Variants in CCDC80 observed in about 807,000 individuals in gnomAD.
The protein encoded by CCDC80 is coiled-coil domain-containing protein 80.
CCDC80 carries 49 observed loss-of-function variants against 78.7 expected under a neutral mutation model. That is an observed-to-expected ratio of 0.62 (90% CI 0.50 to 0.79). The LOEUF (loss-of-function observed/expected upper bound fraction) is 0.79. CCDC80 is among the 30% of genes least tolerant of loss of function. The pLI is 0.00. For missense variants in CCDC80, 1,205 were observed against 1,198.6 expected, an observed-to-expected ratio of 1.01 and a Z score of -0.08; for synonymous variants, 488 against 447.0, an observed-to-expected ratio of 1.09 and a Z score of -1.16.
intron 2 of CCDC80, among the ~76,000 whole-genome samples, chr3:112,633,528 G>A (rs1936141412): frequency 6.6e-6 from 1 of 152,144 alleles, no homozygotes; most frequent in Admixed American, 6.5e-5. Flanking sequence ...CCTGCAGATG[G>A]TGGGGGCATA....
chr3:112,638,850 G>C lies in CCDC80; in HGVS notation c.1056C>G (p.Thr352=). 6.2e-7 allele frequency: 1 copy of C among 1,612,666 alleles called. No individual in the cohort carries two copies. The highest frequency in any genetic ancestry group is 8.5e-7 in the Non-Finnish European group (1 of 1,179,286). The change falls in exon 2 of 8, where the codon ACC becomes ACG. Residue 352 remains threonine (T), a synonymous_variant. Coordinates refer to ENST00000206423, the MANE Select transcript of CCDC80 (RefSeq NM_199511.3). ...PQPPSTPRAT[T]LPPAPATTVT... ...CTGTTGTGGCTGGGGCAGGAGGAAG[G>C]GTGGTGGCTCTGGGGGTTGAGGGAG...
intron 6 of CCDC80, 122 bp from the exon 7 acceptor site, chr3:112,607,378 C>A: frequency 3.4e-6 from 2 of 594,498 alleles, no homozygotes; most frequent in Non-Finnish European, 5.6e-6. Context: ...GAGCATAACC[C>A]GATTGAGAAG....
intron 5 of CCDC80, among the ~76,000 whole-genome samples, chr3:112,614,866 A>G (rs1935702199): frequency 6.6e-6 from 1 of 152,230 alleles, no homozygotes; most frequent in Non-Finnish European, 1.5e-5. Context: ...TGATGAGAGA[A>G]AGTTACTTAA....
At position 112,596,919 on chromosome 3, in the gene CCDC80, A is replaced by G. The variant is rs752310890; in HGVS notation, c.*8498T>C. The G allele has an allele frequency of 6.6e-6, 1 of 152,120 alleles. No homozygotes were observed. The allele number at this position is 152,120 out of a possible 1,614,324, so 9.4% of individuals were successfully genotyped here. On this transcript the variant is annotated 3_prime_UTR_variant, in exon 8 of 8. Transcript: ENST00000206423. The stretch of plus-strand genomic sequence containing the variant: ...CTTCATAATGTCCTTATTTGCACAC[A>G]TATACCACACTGCCTTCATTTTCTC...
chr3:112,607,211 TCCTCTCCAACGCC>T lies in CCDC80; in HGVS notation c.2458_2470del (p.Gly820LysfsTer6). On this transcript the variant is annotated frameshift_variant, in exon 7 of 8. Coordinates refer to ENST00000206423, the MANE Select transcript of CCDC80 (RefSeq NM_199511.3). LOFTEE classifies it high-confidence loss of function. ...GAACAGTTCTAACACTCCCCCAACT[TCCTCTCCAACGCC>T]TAAAAGCTTCAGAATGGTTATGTGG... is the stretch of plus-strand genomic sequence containing the variant. The T allele has an allele frequency of 6.2e-7, 1 of 1,613,936 alleles. No homozygotes were observed. Among genetic ancestry groups the T allele is most frequent in the Admixed American group, 1.7e-5 (1 of 60,016 alleles).
intron 2 of CCDC80, among the ~76,000 whole-genome samples, chr3:112,637,097 A>G (rs1180888031): frequency 6.6e-6 from 1 of 152,188 alleles, no homozygotes; most frequent in Non-Finnish European, 1.5e-5. Flanking sequence ...CAAAACAGAG[A>G]GTTGCTGAGA....
At chr3:112,614,054 C>G (rs1018161547) in intron 5 of CCDC80, among the ~76,000 whole-genome samples, 1 of 152,006 alleles carries the variant, frequency 6.6e-6, no homozygotes. Context: ...TCTGAGAGAA[C>G]GTTAGATTCA....
chr3:112,632,921 T>C (rs1936126129), intron 2 of CCDC80, among the ~76,000 whole-genome samples: 1 of 152,080 alleles, frequency 6.6e-6, no homozygotes, highest in African/African-American at 2.4e-5. Context: ...CCAGACCCAG[T>C]CTAAATTAGG....
In CCDC80 at chr3:112,639,074, C is replaced by T; in HGVS notation, c.832G>A (p.Val278Ile). 6.2e-7 allele frequency: 1 copy of T among 1,613,378 alleles called. No individual in the cohort carries two copies. Among genetic ancestry groups the T allele is most frequent in the South Asian group, 1.1e-5 (1 of 91,084 alleles). ...ACACCAGAGGCCTTACATTTCTGGA[C>T]AAAGCCCTTCTGCCTGATCTTCTCG... is the stretch of plus-strand genomic sequence containing the variant. ...RIEKIRQKGF[V>I]QKCKASGVEG... Residue 278 changes from valine (V) to isoleucine (I), a missense_variant, in exon 2 of 8, where the codon GTC becomes ATC. Val to Ile is a conservative substitution (Grantham distance 29). Transcript: ENST00000206423.
At chr3:112,631,751 T>C (rs918712520) in intron 2 of CCDC80, among the ~76,000 whole-genome samples, 1 of 152,178 alleles carries the variant, frequency 6.6e-6, no homozygotes, top group Non-Finnish European at 1.5e-5. Flanking sequence ...GAGATGTCTG[T>C]ATTGCTACCT....
Position 112,639,621 on chromosome 3 carries a change from C to G in CCDC80, c.285G>C (p.Ser95=). 2 of 1,614,080 alleles carry G rather than the reference C, an allele frequency of 1.2e-6. No homozygotes were observed. Among genetic ancestry groups the G allele is most frequent in the East Asian group, 2.2e-5 (1 of 44,878 alleles). ...LARPTEPPAR[S]DINGAAVRPE... ...GTCTCACGGCGGCCCCATTGATGTC[C>G]GAGCGGGCTGGCGGCTCTGTTGGGC... is the stretch of plus-strand genomic sequence containing the variant. The change falls in exon 2 of 8, where the codon TCG becomes TCC. Residue 95 remains serine, a synonymous_variant. Coordinates refer to ENST00000206423, the MANE Select transcript of CCDC80 (RefSeq NM_199511.3).
At position 112,600,039 on chromosome 3, in the gene CCDC80, G is replaced by A. The variant is rs1935347557; in HGVS notation, c.*5378C>T. On this transcript the variant is annotated 3_prime_UTR_variant, in exon 8 of 8. Transcript: ENST00000206423. The stretch of plus-strand genomic sequence containing the variant: ...TTTATTTGGGAGTTTGGTAAGAAAC[G>A]TTTGGGAAGAAATGCTTTTATGGAG... 2 of 152,154 alleles carry A rather than the reference G, an allele frequency of 1.3e-5. No homozygotes were observed. Among genetic ancestry groups the A allele is most frequent in the Admixed American group, 6.5e-5 (1 of 15,270 alleles). The allele number at this position is 152,154 out of a possible 1,614,324, so 9.4% of individuals were successfully genotyped here.
intron 2 of CCDC80, among the ~76,000 whole-genome samples, chr3:112,633,842 A>G (rs563857581): frequency 1.3e-5 from 2 of 152,224 alleles, no homozygotes; most frequent in East Asian, 3.8e-4. Flanking sequence ...AACCATTTCC[A>G]GTCCCCTCTT....
At position 112,608,945 on chromosome 3, in the gene CCDC80, C is replaced by T. The variant is rs533998290; in HGVS notation, c.2425+1033G>A. 4.6e-5 allele frequency among the ~76,000 whole-genome samples: 7 copies of T among 152,250 alleles called. No homozygotes were observed. The South Asian group carries it at 1.2e-3, about 27-fold the overall frequency. On this transcript the variant is annotated intron_variant, in intron 6 of 7. Coordinates refer to ENST00000206423, the MANE Select transcript of CCDC80 (RefSeq NM_199511.3). ...CTCTGTTAATGCTTTACAAAACTTA[C>T]CCTCCTCCCTTTTAAAAAACAAATC...
At chr3:112,626,438 G>T (rs1272635112) in intron 3 of CCDC80, among the ~76,000 whole-genome samples, 1 of 141,138 alleles carries the variant, frequency 7.1e-6, no homozygotes, top group Non-Finnish European at 1.6e-5. Flanking sequence ...TGTGGATCCT[G>T]ATGACTGAGG....
In CCDC80 at chr3:112,638,853, G is replaced by A. The variant is rs750473207; in HGVS notation, c.1053C>T (p.Thr351=). Reference sequence around the variant, plus strand: ...TTGTGGCTGGGGCAGGAGGAAGGGTGGTGGCTCTGGGGGTTGAGGGAGGTT... The same window carrying A: ...TTGTGGCTGGGGCAGGAGGAAGGGTAGTGGCTCTGGGGGTTGAGGGAGGTT... ...LPQPPSTPRA[T]TLPPAPATTV... is the part of the protein sequence containing the mutation. The change falls in exon 2 of 8, where the codon ACC becomes ACT. Residue 351 remains threonine (T), a synonymous_variant. Coordinates refer to ENST00000206423, the MANE Select transcript of CCDC80 (RefSeq NM_199511.3). 3.1e-6 allele frequency: 5 copies of A among 1,613,646 alleles called. No homozygotes were observed. The South Asian group carries it at 5.5e-5, about 18-fold the overall frequency.
Position 112,639,120 on chromosome 3 carries a change from G to A in CCDC80, c.786C>T (p.Asp262=), listed in dbSNP as rs778862464. Residue 262 remains aspartate, a synonymous_variant, in exon 2 of 8, where the codon GAC becomes GAT. Transcript: ENST00000206423. ...VRLEAMYEVI[D]QGPIRRIEKI... ...TCTCGATCCTACGGATGGGGCCTTGGTCGATGACCTCGTACATGGCTTCCA... is the reference window on the plus strand; with the variant it reads ...TCTCGATCCTACGGATGGGGCCTTGATCGATGACCTCGTACATGGCTTCCA... The A allele has an allele frequency of 1.2e-6, 2 of 1,614,146 alleles. No homozygotes were observed. The highest frequency in any genetic ancestry group is 3.3e-5 in the Admixed American group (2 of 60,026).
intron 3 of CCDC80, among the ~76,000 whole-genome samples, chr3:112,629,348 C>A (rs1388577699): frequency 2.0e-5 from 3 of 151,000 alleles, no homozygotes; most frequent in Non-Finnish European, 3.0e-5. Flanking sequence ...AGAAAAAAAG[C>A]TTTTTAAAAA....
chr3:112,629,280 G>GTT (rs1270093176), intron 3 of CCDC80, among the ~76,000 whole-genome samples: 30 of 143,998 alleles, frequency 2.1e-4, no homozygotes, highest in Admixed American at 9.8e-4. Context: ...TTACTCTAAG[G>GTT]TTTTTTTTTT....
Sources: gnomAD v4.1 joint callset for allele counts (sites outside exome capture counted in the v4.1 genomes callset) on GRCh38, gnomAD v4.1.1 for gene constraint, MANE v1.5 for transcripts, NCBI Gene and HGNC (gene_info 2026-07-23, HGNC 2026-07-21) for gene names.